PTPRD: variants seen among roughly 807,000 people sequenced by gnomAD.
PTPRD encodes the protein protein tyrosine phosphatase receptor type D.
Under a neutral mutation model 214.5 loss-of-function variants are expected in PTPRD, and 34 were observed. That is an observed-to-expected ratio of 0.16 (90% CI 0.12 to 0.21). The LOEUF is 0.21. Ranked by LOEUF, PTPRD falls within the 10% of genes least tolerant of loss-of-function variation. The pLI is 1.00. For missense variants in PTPRD, 2,545 were observed against 2,398.7 expected, an observed-to-expected ratio of 1.06 and a Z score of -1.27; for synonymous variants, 1,128 against 845.7, an observed-to-expected ratio of 1.33 and a Z score of -5.79.
chr9:9,784,102 G>T (rs2098894325), intron 5 of PTPRD, among the ~76,000 whole-genome samples: 1 of 152,032 alleles, frequency 6.6e-6, no homozygotes, highest in African/African-American at 2.4e-5. Context: ...AAGTGCGAAA[G>T]ATTTCCTATA....
rs546645706 is a variant in PTPRD, at chr9:9,682,599, G to A, written c.-287+51934C>T. 2.4e-3 allele frequency among the ~76,000 whole-genome samples: 362 copies of A among 151,868 alleles called. 2 individuals carry two copies. The highest frequency in any genetic ancestry group is 8.2e-3 in the African/African-American group (340 of 41,492). On this transcript the variant is annotated intron_variant, in intron 7 of 45. Transcript: ENST00000381196. ...AAGAAGGTAGGGAAGGGAGTTACCA[G>A]CTTGGGAGCTAAGCCTTGGAAGTGC... is the stretch of plus-strand genomic sequence containing the variant.
At chr9:10,519,388 C>G (rs1334255632) in intron 2 of PTPRD, among the ~76,000 whole-genome samples, 2 of 150,384 alleles carry the variant, frequency 1.3e-5, no homozygotes, top group Non-Finnish European at 3.0e-5. Flanking sequence ...CTTTAAAAAT[C>G]TGATGATTGA....
At chr9:8,982,042 T>C (rs962496551) in intron 11 of PTPRD, among the ~76,000 whole-genome samples, 1 of 151,932 alleles carries the variant, frequency 6.6e-6, no homozygotes, top group Admixed American at 6.6e-5. Context: ...TGTAACTTAA[T>C]AGGGACAAAA....
intron 8 of PTPRD, among the ~76,000 whole-genome samples, chr9:9,455,044 T>C (rs1057277385): frequency 9.2e-5 from 14 of 151,730 alleles, no homozygotes; most frequent in Middle Eastern, 3.4e-3. Flanking sequence ...TCTATCCCCA[T>C]TTCCTGATAA....
intron 3 of PTPRD, among the ~76,000 whole-genome samples, chr9:10,196,086 T>C (rs893987779): frequency 6.6e-6 from 1 of 152,200 alleles, no homozygotes; most frequent in Non-Finnish European, 1.5e-5. Context: ...GGTAGTTCTT[T>C]CTATACACTT....
At chr9:10,091,107 A>T (rs1484814242) in intron 3 of PTPRD, among the ~76,000 whole-genome samples, 1 of 151,390 alleles carries the variant, frequency 6.6e-6, no homozygotes, top group Admixed American at 6.6e-5. Flanking sequence ...TAACAGGAAA[A>T]AATTAATGAG....
At position 9,068,868 on chromosome 9, in the gene PTPRD, C is replaced by G. The variant is rs1273153165; in HGVS notation, c.-142-50133G>C. Reference sequence around the variant, plus strand: ...CTTGTGATCTTCCCTCCTTGACCCCCCAAAGTATTTGGATTACAGGTGTGA... The same window carrying G: ...CTTGTGATCTTCCCTCCTTGACCCCGCAAAGTATTTGGATTACAGGTGTGA... On this transcript the variant is annotated intron_variant, in intron 10 of 45. Transcript: ENST00000381196. Among the ~76,000 whole-genome samples, 3 of 152,154 alleles carry G rather than the reference C, an allele frequency of 2.0e-5. No individual in the cohort carries two copies. The South Asian group carries it at 6.2e-4, about 32-fold the overall frequency.
chr9:9,326,647 T>A (rs1332942468), intron 9 of PTPRD, among the ~76,000 whole-genome samples: 5 of 147,360 alleles, frequency 3.4e-5, no homozygotes, highest in Non-Finnish European at 4.5e-5. Flanking sequence ...CATTGAAGAT[T>A]TTTTTTTTTA....
chr9:9,438,307 T>G (rs933529301), intron 8 of PTPRD, among the ~76,000 whole-genome samples: 1 of 152,170 alleles, frequency 6.6e-6, no homozygotes, highest in African/African-American at 2.4e-5. Context: ...ACAAATATTT[T>G]AAAATAACGT....
chr9:9,308,705 A>G (rs1293578671), intron 9 of PTPRD, among the ~76,000 whole-genome samples: 1 of 152,186 alleles, frequency 6.6e-6, no homozygotes, highest in Non-Finnish European at 1.5e-5. Context: ...TACATATATA[A>G]TTAGGCACTT....
chr9:9,488,886 G>A (rs1465859259), intron 8 of PTPRD, among the ~76,000 whole-genome samples: 1 of 152,072 alleles, frequency 6.6e-6, no homozygotes, highest in Admixed American at 6.6e-5. Flanking sequence ...GAGTCAGGAT[G>A]GGCAAAAAGA....
intron 2 of PTPRD, among the ~76,000 whole-genome samples, chr9:10,522,561 A>C (rs1386007703): frequency 6.6e-6 from 1 of 152,148 alleles, no homozygotes; most frequent in African/African-American, 2.4e-5. Flanking sequence ...AATAGCAATA[A>C]AGGTGAATCC....
In PTPRD at chr9:9,337,442, T is replaced by C. The variant is rs1313940391; in HGVS notation, c.-203+60007A>G. On this transcript the variant is annotated intron_variant, in intron 9 of 45. Transcript: ENST00000381196. ...TCTAACTCTTCTTGTTCTGATTTTA[T>C]GCATGCCAAGAACACTCCCAGTTAC... Among the ~76,000 whole-genome samples, 4 of 152,190 alleles carry C rather than the reference T, an allele frequency of 2.6e-5. No individual in the cohort carries two copies. In the South Asian group the frequency reaches 6.2e-4, roughly 24 times the overall value.
chr9:9,148,215 T>C (rs933299036), intron 10 of PTPRD, among the ~76,000 whole-genome samples: 2 of 152,230 alleles, frequency 1.3e-5, no homozygotes, highest in South Asian at 4.1e-4. Flanking sequence ...TAGAGGTTAC[T>C]TTAATTTTAA....
At chr9:9,752,964 G>C (rs1357815294) in intron 6 of PTPRD, among the ~76,000 whole-genome samples, 2 of 152,072 alleles carry the variant, frequency 1.3e-5, no homozygotes, top group Non-Finnish European at 1.5e-5. Context: ...TGCAAATACA[G>C]AGTGTACTTG....
At chr9:8,855,129 ATTT>A (rs5896267) in intron 11 of PTPRD, among the ~76,000 whole-genome samples, 18,382 of 148,554 alleles carry the variant, frequency 0.12, 1,445 homozygotes, top group Non-Finnish European at 0.17. Context: ...GCCTACTTGA[ATTT>A]TTTTTTTTTT....
intron 14 of PTPRD, among the ~76,000 whole-genome samples, chr9:8,535,152 T>C (rs1017291498): frequency 6.6e-6 from 1 of 151,944 alleles, no homozygotes; most frequent in Admixed American, 6.6e-5. Flanking sequence ...TGCCTGGCAC[T>C]AGTGTCTGGC....
intron 10 of PTPRD, among the ~76,000 whole-genome samples, chr9:9,064,450 A>T (rs1391681758): frequency 2.0e-5 from 3 of 152,102 alleles, no homozygotes; most frequent in Non-Finnish European, 4.4e-5. Flanking sequence ...TTGATAACTG[A>T]TTGTCACACA....
intron 11 of PTPRD, among the ~76,000 whole-genome samples, chr9:8,926,877 T>G (rs1015007689): frequency 6.6e-6 from 1 of 152,204 alleles, no homozygotes; most frequent in Non-Finnish European, 1.5e-5. Flanking sequence ...ATTTAAATGT[T>G]TTAAGTATTA....
Sources: allele counts gnomAD v4.1 joint callset (sites outside exome capture counted in the v4.1 genomes callset), GRCh38; gene constraint gnomAD v4.1.1; transcripts MANE v1.5; gene names NCBI Gene and HGNC (gene_info 2026-07-23, HGNC 2026-07-21).